LRRC37B: variants seen among roughly 807,000 people sequenced by gnomAD.
LRRC37B encodes leucine-rich repeat-containing protein 37B.
In LRRC37B, 28 loss-of-function variants were observed where a neutral mutation model predicts 98.3. That is an observed-to-expected ratio of 0.28 (90% CI 0.21 to 0.39). The LOEUF is 0.39. Ranked by LOEUF, LRRC37B falls within the 10% of genes least tolerant of loss-of-function variation. The pLI is 1.00. For synonymous variants in LRRC37B, 364 were observed against 442.7 expected (o/e 0.82, Z 2.23); for missense variants, 938 against 1,182.7 (o/e 0.79, Z 3.03).
At chr17:32,038,465 T>G (rs182597400) in intron 7 of LRRC37B, among the ~76,000 whole-genome samples, 9 of 149,196 alleles carry the variant, frequency 6.0e-5, no homozygotes, top group Admixed American at 4.7e-4. Flanking sequence ...TCTCAAAAAT[T>G]AAATAAGTAA....
intron 1 of LRRC37B, among the ~76,000 whole-genome samples, chr17:32,012,257 T>C (rs900108442): frequency 1.3e-4 from 20 of 152,224 alleles, no homozygotes; most frequent in African/African-American, 3.9e-4. Flanking sequence ...ACGATTGTTA[T>C]GGGTTTGTTC....
chr17:32,042,699 C>G (rs1407092474), intron 7 of LRRC37B: 1 of 152,608 alleles, frequency 6.6e-6, no homozygotes, highest in Non-Finnish European at 1.5e-5. Flanking sequence ...AGGCTCTGCT[C>G]TGCACCCTCG....
At chr17:32,008,164 T>G in intron 1 of LRRC37B, 32 bp downstream of exon 1, 6 of 268,232 alleles carry the variant, frequency 2.2e-5, no homozygotes, top group Non-Finnish European at 2.3e-5. Flanking sequence ...TGCAGACTCA[T>G]TCCCCACCTC....
upstream of LRRC37B, among the ~76,000 whole-genome samples, chr17:32,017,732 C>T (rs538143024): frequency 6.6e-6 from 1 of 151,990 alleles, no homozygotes; most frequent in East Asian, 1.9e-4. Flanking sequence ...TTCCAGGCTG[C>T]AGTGAGCTAT....
At chr17:32,027,834 A>C in exon 3 of LRRC37B, 2 of 1,604,684 alleles carry the variant, frequency 1.2e-6, no homozygotes, top group South Asian at 1.1e-5. Flanking sequence ...CTATACCTCC[A>C]GTATTTGTAA....
At chr17:32,011,749 G>A (rs755667027) in intron 1 of LRRC37B, among the ~76,000 whole-genome samples, 2 of 151,020 alleles carry the variant, frequency 1.3e-5, no homozygotes, top group African/African-American at 2.4e-5. Context: ...CACCTGCCTC[G>A]GCCTCCCAAA....
chr17:32,046,463 G>C (rs1911582389), intron 8 of LRRC37B, among the ~76,000 whole-genome samples: 1 of 152,172 alleles, frequency 6.6e-6, no homozygotes, highest in African/African-American at 2.4e-5. Context: ...AGGTTTATTA[G>C]CACCAACTTC....
chr17:32,018,741 T>C (rs867485759), upstream of LRRC37B, among the ~76,000 whole-genome samples: 16 of 152,226 alleles, frequency 1.1e-4, no homozygotes, highest in African/African-American at 3.9e-4. Context: ...CTTTCAAATG[T>C]GGCTTACTGC....
exon 1 of LRRC37B, chr17:32,021,405 C>A (rs748813635): frequency 6.2e-7 from 1 of 1,613,672 alleles, no homozygotes; most frequent in South Asian, 1.1e-5. Flanking sequence ...GTCAGCCCTG[C>A]CTCAGGAACC....
intron 11 of LRRC37B, chr17:32,052,332 G>A (rs1911782480): frequency 1.3e-5 from 2 of 151,916 alleles, no homozygotes; most frequent in South Asian, 4.2e-4. Context: ...CTACAGGCAG[G>A]CAGTGAATTT....
chr17:32,048,537 C>A (rs1202824753), intron 9 of LRRC37B, among the ~76,000 whole-genome samples: 3 of 150,970 alleles, frequency 2.0e-5, no homozygotes, highest in Non-Finnish European at 4.4e-5. Flanking sequence ...AGAGACAGAT[C>A]GAAAGACTTA....
At chr17:32,022,896 C>G (rs1910843495) in intron 1 of LRRC37B, 71 bp downstream of exon 4, 4 of 1,479,206 alleles carry the variant, frequency 2.7e-6, no homozygotes, top group Non-Finnish European at 3.8e-6. Context: ...GGAGGCCTTC[C>G]TGGGCCTTCT....
At chr17:32,028,208 A>G (rs1237486180) in intron 3 of LRRC37B, among the ~76,000 whole-genome samples, 1 of 14,516 alleles carries the variant, frequency 6.9e-5, no homozygotes, top group Non-Finnish European at 1.7e-4. Flanking sequence ...TGGTTTTTGC[A>G]TTTCTAAAGG....
exon 10 of LRRC37B, chr17:32,049,237 C>T (rs1300265339): frequency 1.2e-6 from 2 of 1,613,888 alleles, no homozygotes; most frequent in South Asian, 2.2e-5. Context: ...GGGAGCTGTG[C>T]CAAGCTCATG....
intron 1 of LRRC37B, among the ~76,000 whole-genome samples, chr17:32,015,088 C>T (rs1475141670): frequency 6.6e-6 from 1 of 152,106 alleles, no homozygotes; most frequent in African/African-American, 2.4e-5. Context: ...CAAGATTGCA[C>T]CACTGCACTC....
upstream of LRRC37B, among the ~76,000 whole-genome samples, chr17:32,016,443 A>G (rs189066387): frequency 1.3e-5 from 2 of 152,174 alleles, no homozygotes; most frequent in Non-Finnish European, 2.9e-5. Context: ...GTCCGTGGTT[A>G]AGCTTTGGCT....
chr17:32,038,691 C>T (rs1250229521), intron 7 of LRRC37B, among the ~76,000 whole-genome samples: 12 of 152,046 alleles, frequency 7.9e-5, no homozygotes, highest in Admixed American at 7.9e-4. Context: ...ACCCCAATCT[C>T]CACTAAAAAT....
intron 8 of LRRC37B, chr17:32,047,396 C>T: frequency 3.1e-6 from 1 of 320,424 alleles, no homozygotes; most frequent in South Asian, 2.9e-5. Context: ...TGAGGCAGGA[C>T]AGCACAGGGT....
At chr17:32,049,695 C>T (rs1454280060) in intron 10 of LRRC37B, among the ~76,000 whole-genome samples, 4 of 152,046 alleles carry the variant, frequency 2.6e-5, no homozygotes, top group Non-Finnish European at 5.9e-5. Context: ...AGTGAAACCC[C>T]GTCTTCACAA....
Sources: allele counts gnomAD v4.1 joint callset (sites outside exome capture counted in the v4.1 genomes callset), GRCh38; gene constraint gnomAD v4.1.1; transcripts MANE v1.5; gene names NCBI Gene and HGNC (gene_info 2026-07-23, HGNC 2026-07-21).